Variants in CGN observed in about 807,000 individuals in gnomAD.
The protein encoded by CGN is cingulin.
In CGN, 121 loss-of-function variants were observed where a neutral mutation model predicts 157.1. That is an observed-to-expected ratio of 0.77 (90% CI 0.66 to 0.90). The LOEUF is 0.90. Ranked by LOEUF, CGN falls within the 40% of genes least tolerant of loss-of-function variation. The pLI, the probability that CGN is intolerant of heterozygous loss-of-function variation, is 0.00. For missense variants in CGN, 1,424 were observed against 1,520.9 expected, an observed-to-expected ratio of 0.94 and a Z score of 1.06; for synonymous variants, 535 against 607.5, an observed-to-expected ratio of 0.88 and a Z score of 1.76.
chr1:151,527,939 T>TAA, intron 10 of CGN: 1 of 139,922 alleles, frequency 7.1e-6, no homozygotes, highest in Non-Finnish European at 1.2e-5. Context: ...CCACACTATA[T>TAA]ATATATATAT....
chr1:151,537,191 T>G lies in CGN; in HGVS notation c.3471-14T>G. ...TTTTCCCCTCCCCAACCATTATTCTTCTCTCTGAGTCAGGCGCAAAGCTTC... is the reference window on the plus strand; with the variant it reads ...TTTTCCCCTCCCCAACCATTATTCTGCTCTCTGAGTCAGGCGCAAAGCTTC... On this transcript the variant is annotated splice_polypyrimidine_tract_variant and intron_variant, in intron 20 of 20. Coordinates refer to ENST00000271636, the MANE Select transcript of CGN (RefSeq NM_020770.3). 6.2e-7 allele frequency: 1 copy of G among 1,607,976 alleles called. No homozygotes were observed. Among genetic ancestry groups the G allele is most frequent in the Non-Finnish European group, 8.5e-7 (1 of 1,177,282 alleles).
At chr1:151,526,900 T>C (rs1664693260) in intron 9 of CGN, 75 bp from the exon 10 acceptor site, 2 of 1,582,434 alleles carry the variant, frequency 1.3e-6, no homozygotes, top group Non-Finnish European at 1.7e-6. Context: ...TGGCTTTTAT[T>C]GTCATGCTAA....
At chr1:151,527,852 C>A in intron 10 of CGN, 1 of 249,174 alleles carries the variant, frequency 4.0e-6, no homozygotes, top group South Asian at 4.2e-5. Context: ...AGACAAGTGG[C>A]AGCTGCAGGG....
chr1:151,529,500 A>G lies in CGN; in HGVS notation c.2047A>G (p.Asn683Asp), dbSNP rs1011851455. Reference protein sequence around the residue: ...ADRGRELEEQNLQLQKTLQQL... With the variant: ...ADRGRELEEQDLQLQKTLQQL... ...TCGAGGTCGGGAGCTGGAAGAACAG[A>G]ACCTCCAGCTACAAAAGACCCTCCA... The change falls in exon 11 of 21, where the codon AAC becomes GAC. Residue 683 changes from asparagine to aspartate, a missense_variant. Physicochemically the swap from Asn to Asp is conservative, Grantham distance 23 (BLOSUM62 1). This residue lies in a region of CGN where 1,187 missense variants were observed against 1,217.6 expected (regional missense o/e 0.97). Coordinates refer to ENST00000271636, the MANE Select transcript of CGN (RefSeq NM_020770.3). 3 of 1,613,908 alleles carry G rather than the reference A, an allele frequency of 1.9e-6. No homozygotes were observed. The highest frequency in any genetic ancestry group is 1.7e-4 in the Middle Eastern group (1 of 6,048).
chr1:151,524,101 A>G lies in CGN; in HGVS notation c.1269-125A>G. On this transcript the variant is annotated intron_variant, in intron 6 of 20. Transcript: ENST00000271636. The surrounding 1 kb of genome is among the most constrained non-coding windows in gnomAD (Gnocchi z 4.4). ...TGTAGCGGGGCAGGTTGCAAAAATC[A>G]GGGGAGGCCTCATCAAGATTTGAAG... 1.1e-6 allele frequency: 1 copy of G among 921,814 alleles called. No individual in the cohort carries two copies. The highest frequency in any genetic ancestry group is 1.6e-6 in the Non-Finnish European group (1 of 621,256). 57.1% of individuals were successfully genotyped at this position (921,814 alleles called of 1,614,324 possible).
At chr1:151,521,235 A>G (rs906356833) in intron 5 of CGN, among the ~76,000 whole-genome samples, 33 of 152,144 alleles carry the variant, frequency 2.2e-4, no homozygotes, top group Non-Finnish European at 5.9e-5. Flanking sequence ...AAGCCAGTGT[A>G]CCCTTTTTAA....
rs756086468 is a variant in CGN, at chr1:151,535,795, A to G, written c.3094A>G (p.Thr1032Ala). ...TCCCTCTCAGAACAAGGACCTGAAG[A>G]CCCGGTTGGCCAGCTCAGAAGGCTT... ...SLERQNKDLK[T>A]RLASSEGFQK... The change falls in exon 18 of 21, where the codon ACC (threonine) becomes GCC (alanine). Residue 1032 changes from threonine to alanine, a missense_variant. This residue lies in a region of CGN where 199 missense variants were observed against 272.2 expected (regional missense o/e 0.73). Transcript: ENST00000271636. The G allele has an allele frequency of 9.3e-6, 15 of 1,613,976 alleles. No homozygotes were observed. Among genetic ancestry groups the G allele is most frequent in the Non-Finnish European group, 1.3e-5 (15 of 1,179,942 alleles).
rs1294354332 is a variant in CGN at position 151,537,368 on chromosome 1, G to C, written c.*22G>C. 6.2e-7 allele frequency: 1 copy of C among 1,608,202 alleles called. No individual in the cohort carries two copies. Among genetic ancestry groups the C allele is most frequent in the Admixed American group, 1.7e-5 (1 of 59,454 alleles). ...TTAGCTCGTGGTCCTCAAGGACTCA[G>C]AAACCAGGCTCGAGGCCTATCCCAG... On this transcript the variant is annotated 3_prime_UTR_variant, in exon 21 of 21. Coordinates refer to ENST00000271636, the MANE Select transcript of CGN (RefSeq NM_020770.3).
Position 151,524,886 on chromosome 1 carries a change from G to T in CGN, c.1614G>T (p.Gln538His). 1 of 1,610,296 alleles carries T rather than the reference G, an allele frequency of 6.2e-7. No individual in the cohort carries two copies. The highest frequency in any genetic ancestry group is 1.1e-5 in the South Asian group (1 of 90,822). ...QLRRSMQDAT[Q>H]DHAVLEAERQ... ...GCAGGAGCATGCAAGATGCAACCCA[G>T]GCATGTGACAAGAGCAGGGTCTGAG... Residue 538 changes from glutamine (Q) to histidine (H), a missense_variant and splice_region_variant, in exon 8 of 21, where the codon CAG becomes CAT. Transcript: ENST00000271636. This position sits in a 1 kb window ranked among gnomAD's most constrained non-coding sequence, Gnocchi z 4.4.
At chr1:151,526,181 CTTTT>C (rs10570307) in intron 9 of CGN, among the ~76,000 whole-genome samples, 12 of 139,016 alleles carry the variant, frequency 8.6e-5, no homozygotes, top group East Asian at 2.1e-4. Flanking sequence ...CCCCTTTCTC[CTTTT>C]TTTTTTTTTT....
In CGN at chr1:151,524,524, T is replaced by TC. The variant is rs1664622244; in HGVS notation, c.1402-150_1402-149insC. Reference sequence around the variant, plus strand: ...TGGTGTGTTGGGACTAGAGTTAGGATAAAGGAAACCTATCATTCTGGGCTC... The same window carrying TC: ...TGGTGTGTTGGGACTAGAGTTAGGATCAAAGGAAACCTATCATTCTGGGCTC... On this transcript the variant is annotated intron_variant, in intron 7 of 20. Transcript: ENST00000271636. The surrounding 1 kb of genome is among the most constrained non-coding windows in gnomAD (Gnocchi z 4.4). 3 of 1,206,724 alleles carry TC rather than the reference T, an allele frequency of 2.5e-6. No homozygotes were observed. The highest frequency in any genetic ancestry group is 5.3e-5 in the Admixed American group (2 of 37,926). The allele number at this position is 1,206,724 out of a possible 1,614,324, so 74.8% of individuals were successfully genotyped here.
rs140650088 is a variant in CGN, at chr1:151,521,050, G to C, written c.1140+359G>C. 7.2e-4 allele frequency among the ~76,000 whole-genome samples: 110 copies of C among 152,170 alleles called. 2 individuals are homozygous for C. Among genetic ancestry groups the C allele is most frequent in the African/African-American group, 2.5e-3 (105 of 41,500 alleles). Reference sequence around the variant, plus strand: ...AATAGTAGTAGCTATCATTTATTGAGTATAATTTTGGTAGTATGTACTGTC... The same window carrying C: ...AATAGTAGTAGCTATCATTTATTGACTATAATTTTGGTAGTATGTACTGTC... On this transcript the variant is annotated intron_variant, in intron 5 of 20. Transcript: ENST00000271636.
At chr1:151,522,407 C>T (rs1664562698) in intron 5 of CGN, among the ~76,000 whole-genome samples, 1 of 151,780 alleles carries the variant, frequency 6.6e-6, no homozygotes, top group Non-Finnish European at 1.5e-5. Flanking sequence ...GGTGGATCAC[C>T]TGAGGTCAGG....
intron 11 of CGN, 21 bp from the exon 12 acceptor site, chr1:151,529,888 C>T (rs1319814993): frequency 1.2e-6 from 2 of 1,604,328 alleles, no homozygotes; most frequent in Non-Finnish European, 8.5e-7. Flanking sequence ...TCTGAGCTGC[C>T]ACCCCCTGAA....
At position 151,537,895 on chromosome 1, in the gene CGN, GTCT is replaced by G. The variant is rs1288615509; in HGVS notation, c.*555_*557del. ...ATACCCCTCCAGTTCCTATATTTTT[GTCT>G]TCTTCCTTTCCCCTCTTTGCCATTC... On this transcript the variant is annotated 3_prime_UTR_variant, in exon 21 of 21. Transcript: ENST00000271636. The G allele has an allele frequency of 1.3e-5, 2 of 152,642 alleles. No individual in the cohort carries two copies. The highest frequency in any genetic ancestry group is 4.8e-5 in the African/African-American group (2 of 41,394). The allele number at this position is 152,642 out of a possible 1,614,324, so 9.5% of individuals were successfully genotyped here.
At position 151,520,219 on chromosome 1, in the gene CGN, C is replaced by T. The variant is rs1407471023; in HGVS notation, c.927C>T (p.Gly309=). 1.2e-6 allele frequency: 2 copies of T among 1,613,872 alleles called. No individual in the cohort carries two copies. Among genetic ancestry groups the T allele is most frequent in the African/African-American group, 2.7e-5 (2 of 74,882 alleles). ...LRDQQEAAPP[G]SVDHMKATIY... ...ACCAGCAGGAGGCAGCCCCACCAGG[C>T]AGTGTGGACCATATGAAGGCCACCA... The change falls in exon 3 of 21, where the codon GGC becomes GGT. Residue 309 remains glycine, a synonymous_variant. Coordinates refer to ENST00000271636, the MANE Select transcript of CGN (RefSeq NM_020770.3).
intron 13 of CGN, among the ~76,000 whole-genome samples, chr1:151,530,997 C>G (rs550339053): frequency 6.6e-6 from 1 of 152,144 alleles, no homozygotes; most frequent in Non-Finnish European, 1.5e-5. Context: ...AAAAATTAGC[C>G]GGGCTTGGTG....
intron 1 of CGN, among the ~76,000 whole-genome samples, chr1:151,515,967 G>A (rs988896635): frequency 6.6e-6 from 1 of 152,190 alleles, no homozygotes; most frequent in Non-Finnish European, 1.5e-5. Flanking sequence ...CTCAGGGAGA[G>A]TGTATTGCTT....
In CGN at chr1:151,525,745, G is replaced by C. The variant is rs769255175; in HGVS notation, c.1718G>C (p.Ser573Thr). ...TCAGAGGAGACAGGGCATTGGCAGA[G>C]TATGTTCCAGAAGAACAAGGAGGAT... is the stretch of plus-strand genomic sequence containing the variant. ...ETSEETGHWQ[S>T]MFQKNKEDLR... The change falls in exon 9 of 21, where the codon AGT becomes ACT. Residue 573 changes from serine to threonine, a missense_variant. Coordinates refer to ENST00000271636, the MANE Select transcript of CGN (RefSeq NM_020770.3). 3 of 1,610,214 alleles carry C rather than the reference G, an allele frequency of 1.9e-6. No homozygotes were observed. The highest frequency in any genetic ancestry group is 2.7e-5 in the African/African-American group (2 of 74,590).
Sources: gnomAD v4.1 joint callset for allele counts (sites outside exome capture counted in the v4.1 genomes callset) on GRCh38, gnomAD v4.1.1 for gene constraint, gnomAD v4.1.1 regional missense constraint, Gnocchi (gnomAD v3.1) non-coding constraint, MANE v1.5 for transcripts, NCBI Gene and HGNC (gene_info 2026-07-23, HGNC 2026-07-21) for gene names.